The following TTYH3 variants were observed in gnomAD, a reference collection of about 807,000 sequenced individuals.
TTYH3 encodes the protein tweety family member 3.
In TTYH3, 23 loss-of-function variants were observed where a neutral mutation model predicts 68.2. The observed-to-expected ratio is 0.34, with a 90% CI of 0.24 to 0.48. The LOEUF (loss-of-function observed/expected upper bound fraction) is 0.48. TTYH3 is among the 20% of genes least tolerant of loss of function. The pLI is 0.99. For synonymous variants in TTYH3, 360 were observed against 332.8 expected (o/e 1.08, Z -0.89); for missense variants, 768 against 727.7 (o/e 1.06, Z -0.64).
At chr7:2,639,521 G>T (rs571358699) in intron 1 of TTYH3, among the ~76,000 whole-genome samples, 1 of 152,178 alleles carries the variant, frequency 6.6e-6, no homozygotes, top group African/African-American at 2.4e-5. Flanking sequence ...TAGCGCGGCC[G>T]AGCTGTCTGT....
chr7:2,633,894 G>GA (rs1177267243), intron 1 of TTYH3, among the ~76,000 whole-genome samples: 1 of 152,204 alleles, frequency 6.6e-6, no homozygotes, highest in African/African-American at 2.4e-5. Flanking sequence ...GACAGGCAGT[G>GA]AGAGGGAGTG....
intron 9 of TTYH3, 124 bp from the exon 10 acceptor site, chr7:2,655,968 G>C (rs1028698235): frequency 2.7e-6 from 2 of 733,114 alleles, no homozygotes; most frequent in Non-Finnish European, 4.4e-6. Context: ...CCCCAGGGTG[G>C]GGGGTATCTC....
intron 1 of TTYH3, among the ~76,000 whole-genome samples, chr7:2,636,831 C>T (rs529893151): frequency 5.5e-4 from 83 of 152,252 alleles, no homozygotes; most frequent in Middle Eastern, 3.4e-3. Flanking sequence ...ACCCTTGGCC[C>T]GGCCGCTGCC....
rs111831873 is a variant in TTYH3 at position 2,651,513 on chromosome 7, G to A, written c.872-674G>A. ...GGTGCTATCATCCTGGTCCCTCCAGGTCCCTACTGTAGCCGGCGGCCTTTG... is the reference window on the plus strand; with the variant it reads ...GGTGCTATCATCCTGGTCCCTCCAGATCCCTACTGTAGCCGGCGGCCTTTG... On this transcript the variant is annotated intron_variant, in intron 7 of 13. Coordinates refer to ENST00000258796, the MANE Select transcript of TTYH3 (RefSeq NM_025250.3). Among the ~76,000 whole-genome samples the A allele has an allele frequency of 3.3e-5, 5 of 152,296 alleles. 1 individual carries two copies. Among genetic ancestry groups the A allele is most frequent in the African/African-American group, 1.2e-4 (5 of 41,546 alleles).
intron 11 of TTYH3, among the ~76,000 whole-genome samples, chr7:2,657,750 T>C (rs994860374): frequency 6.6e-6 from 1 of 152,230 alleles, no homozygotes; most frequent in Admixed American, 6.5e-5. Flanking sequence ...GCTACCACTG[T>C]CCTGTTTCTG....
chr7:2,651,867 C>G lies in TTYH3; in HGVS notation c.872-320C>G, dbSNP rs148546862. The stretch of plus-strand genomic sequence containing the variant: ...GATGGGAGCCCAGACCCCACTGCCA[C>G]ACACACAGACATAGGCATGTGTGTA... On this transcript the variant is annotated intron_variant, in intron 7 of 13. Transcript: ENST00000258796. Among the ~76,000 whole-genome samples the G allele has an allele frequency of 1.7e-4, 26 of 152,290 alleles. No homozygotes were observed. In the East Asian group the frequency reaches 5.0e-3, roughly 29 times the overall value.
rs1366821378 is a variant in TTYH3 at position 2,661,651 on chromosome 7, C to T, written c.1501-17C>T. The T allele has an allele frequency of 1.2e-6, 2 of 1,611,086 alleles. No individual in the cohort carries two copies. The highest frequency in any genetic ancestry group is 1.7e-5 in the Admixed American group (1 of 59,822). On this transcript the variant is annotated splice_polypyrimidine_tract_variant and intron_variant, in intron 13 of 13. Transcript: ENST00000258796. ...ATGCAGGGGCCCTGCTGATGCCTCCCCCTTGTCTCCCTCCAGTACACCTCC... is the reference window on the plus strand; with the variant it reads ...ATGCAGGGGCCCTGCTGATGCCTCCTCCTTGTCTCCCTCCAGTACACCTCC...
At chr7:2,641,877 C>G (rs931601734) in intron 1 of TTYH3, among the ~76,000 whole-genome samples, 1 of 152,212 alleles carries the variant, frequency 6.6e-6, no homozygotes, top group African/African-American at 2.4e-5. Flanking sequence ...AGCAGCTGCC[C>G]GGTTTGCTGA....
intron 1 of TTYH3, among the ~76,000 whole-genome samples, chr7:2,640,402 G>GT (rs1324448776): frequency 8.2e-6 from 1 of 121,808 alleles, no homozygotes; most frequent in Non-Finnish European, 2.0e-5. Flanking sequence ...CTGTGTGTGT[G>GT]TGGGGGGGGA....
At chr7:2,650,024 C>G in intron 7 of TTYH3, 36 bp downstream of exon 7, 1 of 1,611,024 alleles carries the variant, frequency 6.2e-7, no homozygotes, top group South Asian at 1.1e-5. Context: ...CCAGCGGGTT[C>G]CCCAGGGTTG....
In TTYH3 at chr7:2,664,686, A is replaced by G. The variant is rs2115004696; in HGVS notation, c.*2947A>G. ...TTTTTAGAACTGGGTTTGGGGGCTG[A>G]TTTTTATTTCTTTGGGGGCTTTTTT... On this transcript the variant is annotated 3_prime_UTR_variant, in exon 14 of 14. Transcript: ENST00000258796. 6.6e-6 allele frequency: 1 copy of G among 151,422 alleles called. No individual in the cohort carries two copies. The highest frequency in any genetic ancestry group is 2.1e-4 in the South Asian group (1 of 4,788). 9.4% of individuals were successfully genotyped at this position (151,422 alleles called of 1,614,324 possible).
intron 13 of TTYH3, chr7:2,660,528 G>T: frequency 1.0e-6 from 1 of 985,290 alleles, no homozygotes; most frequent in Non-Finnish European, 1.2e-6. Flanking sequence ...TCCTTCAGGG[G>T]TCTGCGCGTC....
intron 7 of TTYH3, among the ~76,000 whole-genome samples, chr7:2,650,875 G>A (rs1422783957): frequency 1.3e-5 from 2 of 152,062 alleles, no homozygotes; most frequent in African/African-American, 2.4e-5. Context: ...AAGGTGGACA[G>A]GGATGGGCTT....
chr7:2,652,039 G>T, intron 7 of TTYH3, 148 bp from the exon 8 acceptor site: 1 of 694,450 alleles, frequency 1.4e-6, no homozygotes, highest in South Asian at 1.6e-5. Context: ...ACATGCACAT[G>T]TGTAAACAGG....
chr7:2,646,009 A>G (rs1583563516), intron 1 of TTYH3: 3 of 313,114 alleles, frequency 9.6e-6, no homozygotes, highest in South Asian at 2.4e-5. Flanking sequence ...TCTTCGGGGG[A>G]GCAGCAGCAC....
intron 1 of TTYH3, among the ~76,000 whole-genome samples, chr7:2,644,668 C>T (rs942278208): frequency 6.6e-6 from 1 of 152,148 alleles, no homozygotes; most frequent in African/African-American, 2.4e-5. Flanking sequence ...GGAGGGTGCC[C>T]GCCCCTGATG....
intron 7 of TTYH3, among the ~76,000 whole-genome samples, chr7:2,651,387 G>A (rs1786171931): frequency 6.6e-6 from 1 of 152,190 alleles, no homozygotes; most frequent in South Asian, 2.1e-4. Context: ...GCCGCCCACT[G>A]ACCTTGTCCT....
In TTYH3 at chr7:2,652,150, C is replaced by T. The variant is rs749536674; in HGVS notation, c.872-37C>T. ...CGTGCACGCAGTCTCACAGGGACAG[C>T]TGTTGCAGCTCAGCCTTCCCTGATG... On this transcript the variant is annotated intron_variant, in intron 7 of 13. Transcript: ENST00000258796. 1.4e-5 allele frequency: 22 copies of T among 1,598,736 alleles called. No homozygotes were observed. In the South Asian group the frequency reaches 2.4e-4, roughly 18 times the overall value.
intron 9 of TTYH3, among the ~76,000 whole-genome samples, chr7:2,653,523 T>C (rs571460362): frequency 6.6e-6 from 1 of 152,310 alleles, no homozygotes; most frequent in South Asian, 2.1e-4. Context: ...TGTTTTTCCC[T>C]GTAGTGTTCT....
Sources: gnomAD v4.1 joint callset for allele counts (sites outside exome capture counted in the v4.1 genomes callset) on GRCh38, gnomAD v4.1.1 for gene constraint, MANE v1.5 for transcripts, NCBI Gene and HGNC (gene_info 2026-07-23, HGNC 2026-07-21) for gene names.